TMEM154: variants seen among roughly 807,000 people sequenced by gnomAD.
TMEM154 encodes transmembrane protein 154.
In TMEM154, 27 loss-of-function variants were observed where a neutral mutation model predicts 24.5. The ratio of observed to expected loss-of-function variants is 1.10; its 90% confidence interval spans 0.81 to 1.52. TMEM154 has a LOEUF of 1.52. Ranked by LOEUF, TMEM154 falls within the 40% of genes most tolerant of loss-of-function variation. TMEM154 has a pLI of 0.00. For synonymous variants in TMEM154, 67 were observed against 76.8 expected (o/e 0.87, Z 0.67); for missense variants, 228 against 213.4 (o/e 1.07, Z -0.43).
At chr4:152,657,646 C>A (rs1290683987) in intron 1 of TMEM154, among the ~76,000 whole-genome samples, 2 of 152,216 alleles carry the variant, frequency 1.3e-5, no homozygotes, top group Non-Finnish European at 2.9e-5. Flanking sequence ...CAAAGGACTT[C>A]TCCACAGCAC....
At position 152,626,202 on chromosome 4, in the gene TMEM154, G is replaced by A. The variant is rs1414797971; in HGVS notation, c.*2344C>T. ...TTAACCTAGTTTGCTTAAAATGTAC[G>A]AAAATGCAATCAAACTTACATATCT... On this transcript the variant is annotated 3_prime_UTR_variant, in exon 7 of 7. Coordinates refer to ENST00000304385, the MANE Select transcript of TMEM154 (RefSeq NM_152680.3). 5 of 152,632 alleles carry A rather than the reference G, an allele frequency of 3.3e-5. No individual in the cohort carries two copies. The highest frequency in any genetic ancestry group is 3.8e-4 in the East Asian group (2 of 5,200). The allele number at this position is 152,632 out of a possible 1,614,324, so 9.5% of individuals were successfully genotyped here. A position where few individuals can be genotyped will look rare whatever the true frequency, so the allele number is the denominator to read the frequency against.
Position 152,678,656 on chromosome 4 carries a change from G to C in TMEM154, c.64+1214C>G, listed in dbSNP as rs867451837. 8.5e-5 allele frequency among the ~76,000 whole-genome samples: 13 copies of C among 152,186 alleles called. No homozygotes were observed. In the South Asian group the frequency reaches 2.5e-3, roughly 29 times the overall value. ...TTCTTCCACCTCTGTTTCTTCACCT[G>C]TGTGCCCAATATGGTTTGAGCTGCA... On this transcript the variant is annotated intron_variant, in intron 1 of 6. Coordinates refer to ENST00000304385, the MANE Select transcript of TMEM154 (RefSeq NM_152680.3).
intron 5 of TMEM154, among the ~76,000 whole-genome samples, chr4:152,642,003 A>G (rs913576164): frequency 7.4e-6 from 1 of 135,800 alleles, no homozygotes; most frequent in African/African-American, 2.8e-5. Flanking sequence ...GCTCACTGCA[A>G]CCTCCGCCTC....
intron 1 of TMEM154, among the ~76,000 whole-genome samples, chr4:152,679,048 C>T (rs940116500): frequency 7.9e-5 from 12 of 152,202 alleles, no homozygotes; most frequent in African/African-American, 2.4e-4. Flanking sequence ...AAACAATGGG[C>T]AGCCAGTGTA....
At chr4:152,632,744 G>A (rs1172656654) in intron 6 of TMEM154, among the ~76,000 whole-genome samples, 1 of 152,160 alleles carries the variant, frequency 6.6e-6, no homozygotes, top group Non-Finnish European at 1.5e-5. Context: ...GCTAACGAGT[G>A]GCTTTTTTAG....
intron 6 of TMEM154, among the ~76,000 whole-genome samples, chr4:152,631,050 A>G (rs1419474040): frequency 6.6e-6 from 1 of 152,190 alleles, no homozygotes; most frequent in Non-Finnish European, 1.5e-5. Flanking sequence ...TTTATTTATT[A>G]TAAACATTGC....
Position 152,653,189 on chromosome 4 carries a change from C to T in TMEM154, c.65-262G>A, listed in dbSNP as rs548012641. The stretch of plus-strand genomic sequence containing the variant: ...TTGCATTGACCAGACATTTTAGATA[C>T]GCTTAAGCAAAGTGGATTCGGAAGC... On this transcript the variant is annotated intron_variant, in intron 1 of 6. Transcript: ENST00000304385. Among the ~76,000 whole-genome samples, 20 of 152,232 alleles carry T rather than the reference C, an allele frequency of 1.3e-4. No homozygotes were observed. In the South Asian group the frequency reaches 3.3e-3, roughly 25 times the overall value.
intron 6 of TMEM154, among the ~76,000 whole-genome samples, chr4:152,634,099 C>T (rs534310093): frequency 6.8e-6 from 1 of 148,004 alleles, no homozygotes; most frequent in Admixed American, 6.7e-5. Context: ...TAGTAACAGG[C>T]TGACAAATAA....
intron 3 of TMEM154, among the ~76,000 whole-genome samples, chr4:152,652,250 G>C (rs1218098712): frequency 6.8e-6 from 1 of 148,020 alleles, no homozygotes; most frequent in Admixed American, 6.9e-5. Flanking sequence ...TGAGGCAATG[G>C]TTGCCATAAA....
At chr4:152,638,682 T>G (rs1289320399) in intron 6 of TMEM154, among the ~76,000 whole-genome samples, 2 of 152,230 alleles carry the variant, frequency 1.3e-5, no homozygotes, top group Non-Finnish European at 2.9e-5. Context: ...CTTAGATTTT[T>G]TAATGAATAA....
chr4:152,653,443 G>GT (rs1257907773), intron 1 of TMEM154, among the ~76,000 whole-genome samples: 4 of 149,534 alleles, frequency 2.7e-5, no homozygotes, highest in Admixed American at 6.7e-5. Flanking sequence ...AGGCTGGAGC[G>GT]TAGTGGCATG....
At chr4:152,645,971 ACACACACAGACACCACAAACC>A (rs1752363526) in intron 3 of TMEM154, among the ~76,000 whole-genome samples, 1 of 151,626 alleles carries the variant, frequency 6.6e-6, no homozygotes, top group African/African-American at 2.4e-5. Context: ...ACACACACAC[ACACACACAGACACCACAAACC>A]CACACTTTCT....
chr4:152,628,989 A>C (rs1009754997), intron 6 of TMEM154, among the ~76,000 whole-genome samples: 2 of 152,116 alleles, frequency 1.3e-5, no homozygotes, highest in Non-Finnish European at 2.9e-5. Context: ...TGGTCACTCC[A>C]TTATGGAGGT....
At chr4:152,637,417 T>C (rs4505804) in intron 6 of TMEM154, among the ~76,000 whole-genome samples, 36,225 of 151,842 alleles carry the variant, frequency 0.24, 4,965 homozygotes, top group African/African-American at 0.38. Context: ...TGGTGGTGGG[T>C]ACCTGTAATC....
At chr4:152,664,757 C>A (rs1728682801) in intron 1 of TMEM154, among the ~76,000 whole-genome samples, 1 of 152,176 alleles carries the variant, frequency 6.6e-6, no homozygotes, top group South Asian at 2.1e-4. Context: ...ATTATGTGAA[C>A]TCCATGTGCA....
At chr4:152,678,940 G>A (rs1729006443) in intron 1 of TMEM154, among the ~76,000 whole-genome samples, 1 of 152,208 alleles carries the variant, frequency 6.6e-6, no homozygotes, top group Admixed American at 6.5e-5. Context: ...GGTTGGGGCT[G>A]ATGTCCCTCA....
intron 1 of TMEM154, chr4:152,668,709 A>T (rs1579535798): frequency 6.6e-6 from 1 of 152,552 alleles, no homozygotes; most frequent in South Asian, 2.1e-4. Context: ...CTGCCACCCC[A>T]GGGGCTTGGT....
intron 6 of TMEM154, among the ~76,000 whole-genome samples, chr4:152,634,805 G>T (rs1752116431): frequency 6.6e-6 from 1 of 152,182 alleles, no homozygotes; most frequent in Admixed American, 6.5e-5. Context: ...TTGAATTACA[G>T]ATGATCCCTG....
At position 152,624,917 on chromosome 4, in the gene TMEM154, A is replaced by G. The variant is rs547275617; in HGVS notation, c.*3629T>C. 6.6e-6 allele frequency: 1 copy of G among 152,334 alleles called. No individual in the cohort carries two copies. The highest frequency in any genetic ancestry group is 1.9e-4 in the East Asian group (1 of 5,188). 9.4% of individuals were successfully genotyped at this position (152,334 alleles called of 1,614,324 possible). On this transcript the variant is annotated 3_prime_UTR_variant, in exon 7 of 7. Transcript: ENST00000304385. ...CATCCTGAATGTCTCTGAATGTGAA[A>G]AGTCACATGCGTTAATTTAATTCAG...
Sources: allele counts gnomAD v4.1 joint callset (sites outside exome capture counted in the v4.1 genomes callset), GRCh38; gene constraint gnomAD v4.1.1; transcripts MANE v1.5; gene names NCBI Gene and HGNC (gene_info 2026-07-23, HGNC 2026-07-21).